The following POLR1C variants were observed in gnomAD, a reference collection of about 807,000 sequenced individuals.
POLR1C encodes the protein DNA-directed RNA polymerases I and III subunit RPAC1.
Under a neutral mutation model 38.3 loss-of-function variants are expected in POLR1C, and 42 were observed. That is an observed-to-expected ratio of 1.10 (90% CI 0.86 to 1.42). The LOEUF (loss-of-function observed/expected upper bound fraction) is 1.42. POLR1C is among the 40% of genes most tolerant of loss of function. The pLI is 0.00. For synonymous variants in POLR1C, 163 were observed against 163.9 expected, an observed-to-expected ratio of 0.99 and a Z score of 0.04; for missense variants, 507 against 450.5, an observed-to-expected ratio of 1.13 and a Z score of -1.14.
chr6:43,556,037 A>G, intron 10 of POLR1C: 1 of 1,574,072 alleles, frequency 6.4e-7, no homozygotes, highest in Non-Finnish European at 8.6e-7. Flanking sequence ...ATGTTTATTA[A>G]TTTACCACCC....
downstream of POLR1C, chr6:43,524,956 T>A (rs754798315): frequency 1.9e-6 from 3 of 1,613,438 alleles, no homozygotes; most frequent in Non-Finnish European, 2.5e-6. Context: ...GCGAGCAGTG[T>A]CCCTGACAGC....
intron 2 of POLR1C, chr6:43,519,061 T>G: frequency 2.0e-6 from 1 of 491,268 alleles, no homozygotes; most frequent in Non-Finnish European, 3.7e-6. Flanking sequence ...CTAAGCACTA[T>G]GGTAGTTTCT....
chr6:43,531,673 T>C, downstream of POLR1C: 1 of 1,012,744 alleles, frequency 9.9e-7, no homozygotes, highest in Non-Finnish European at 1.6e-6. Context: ...GGGGTGAAGA[T>C]GTGTGCATGT....
intron 2 of POLR1C, 167 bp from the exon 3 acceptor site, chr6:43,519,166 G>A: frequency 4.5e-6 from 3 of 660,566 alleles, no homozygotes; most frequent in Non-Finnish European, 2.7e-6. Context: ...GACTTTTCAT[G>A]AAACTTAAAA....
intron 2 of POLR1C, chr6:43,519,105 G>C (rs1051597628): frequency 1.6e-5 from 9 of 580,068 alleles, no homozygotes; most frequent in Admixed American, 5.7e-5. Flanking sequence ...TGGATGGTTT[G>C]GTTGGAAGCC....
intron 9 of POLR1C, among the ~76,000 whole-genome samples, chr6:43,537,125 C>T (rs1018905434): frequency 4.1e-5 from 6 of 148,064 alleles, no homozygotes; most frequent in Non-Finnish European, 5.9e-5. Flanking sequence ...CACCACCACA[C>T]GTGAATAATT....
At position 43,521,410 on chromosome 6, in the gene POLR1C, A is replaced by C; in HGVS notation, c.*110A>C. The C allele has an allele frequency of 1.3e-6, 2 of 1,593,440 alleles. No individual in the cohort carries two copies. The highest frequency in any genetic ancestry group is 1.7e-6 in the Non-Finnish European group (2 of 1,171,380). On this transcript the variant is annotated 3_prime_UTR_variant, in exon 9 of 9. Transcript: ENST00000642195. ...CTAGGGATCCTGAGTTTTCTGGGAC[A>C]ATTCCAGCTTTAATCAATACATTTT... is the stretch of plus-strand genomic sequence containing the variant.
At chr6:43,528,321 A>G (rs1232543732) in intron 8 of POLR1C, 18 of 1,058,592 alleles carry the variant, frequency 1.7e-5, no homozygotes, top group Middle Eastern at 4.1e-4. Context: ...CTAGGCATCA[A>G]TGACAACTTC....
chr6:43,539,453 A>G, intron 9 of POLR1C: 3 of 1,571,590 alleles, frequency 1.9e-6, no homozygotes, highest in Middle Eastern at 1.9e-4. Flanking sequence ...GGGCAGGGAG[A>G]AGAGATAGAT....
downstream of POLR1C, among the ~76,000 whole-genome samples, chr6:43,533,028 C>T (rs1355312536): frequency 6.6e-6 from 1 of 151,998 alleles, no homozygotes; most frequent in Non-Finnish European, 1.5e-5. Flanking sequence ...TGCCTGTAGT[C>T]CCAGCAGGCT....
chr6:43,519,577 TC>T (rs1292434367), intron 3 of POLR1C, 128 bp from the exon 4 acceptor site: 1 of 1,480,786 alleles, frequency 6.8e-7, no homozygotes, highest in African/African-American at 1.4e-5. Flanking sequence ...ACCTTCTCAT[TC>T]TTTGTAAATT....
intron 9 of POLR1C, chr6:43,549,494 C>G: frequency 6.2e-7 from 1 of 1,609,712 alleles, no homozygotes; most frequent in Non-Finnish European, 8.5e-7. Context: ...CTTACCAGCA[C>G]AAGCTGGGGG....
intron 9 of POLR1C, chr6:43,546,658 C>T (rs1387615076): frequency 6.2e-7 from 1 of 1,613,692 alleles, no homozygotes; most frequent in African/African-American, 1.3e-5. Context: ...GGATGTATAA[C>T]CCACCACAAA....
chr6:43,548,652 CTCTTG>C (rs1275854663), intron 9 of POLR1C, among the ~76,000 whole-genome samples: 16 of 151,878 alleles, frequency 1.1e-4, no homozygotes, highest in Admixed American at 9.2e-4. Flanking sequence ...CGGAAGATAG[CTCTTG>C]TCTTGAGTAT....
At position 43,536,642 on chromosome 6, in the gene POLR1C, C is replaced by G. The variant is rs920149157; in HGVS notation, c.*4+7283C>G. On this transcript the variant is annotated intron_variant, in intron 9 of 10. Coordinates refer to the POLR1C transcript ENST00000607635. ...GGCATGGTGGCACACGCCTGTAAAT[C>G]CCAGCTACTCAGGAGGCTGAGGTAG... 3.3e-5 allele frequency among the ~76,000 whole-genome samples: 5 copies of G among 151,034 alleles called. 1 individual carries two copies. Among genetic ancestry groups the G allele is most frequent in the Admixed American group, 3.3e-4 (5 of 15,134 alleles).
exon 9 of POLR1C, chr6:43,529,326 G>A (rs1111785): frequency 0.098 from 66,430 of 680,884 alleles, 8,356 homozygotes; most frequent in African/African-American, 0.5. Context: ...GTGGATCACG[G>A]GGTCAAGAGA....
intron 9 of POLR1C, among the ~76,000 whole-genome samples, chr6:43,540,633 A>G (rs968906857): frequency 5.3e-5 from 8 of 152,186 alleles, no homozygotes; most frequent in African/African-American, 1.9e-4. Context: ...AGCCTGGGCA[A>G]CAAGAGTGAC....
At chr6:43,552,355 CCTTTT>C (rs1371474023) in intron 10 of POLR1C, among the ~76,000 whole-genome samples, 3 of 151,726 alleles carry the variant, frequency 2.0e-5, no homozygotes, top group East Asian at 3.9e-4. Context: ...TGCGCCCCAC[CCTTTT>C]CTTTTTTTTT....
intron 8 of POLR1C, chr6:43,528,286 T>C (rs1449811841): frequency 2.8e-6 from 4 of 1,407,002 alleles, no homozygotes; most frequent in Admixed American, 2.0e-5. Flanking sequence ...GTCCACTTCA[T>C]GATTAAAATT....
Sources: allele counts gnomAD v4.1 joint callset (sites outside exome capture counted in the v4.1 genomes callset), GRCh38; gene constraint gnomAD v4.1.1; transcripts MANE v1.5; gene names NCBI Gene and HGNC (gene_info 2026-07-23, HGNC 2026-07-21).